Variants in HMGCLL1 observed in about 807,000 individuals in gnomAD.
The protein encoded by HMGCLL1 is 3-hydroxy-3-methylglutaryl-CoA lyase like 1.
HMGCLL1 carries 36 observed loss-of-function variants against 39.1 expected under a neutral mutation model. The observed-to-expected ratio is 0.92, with a 90% CI of 0.71 to 1.22. The LOEUF (loss-of-function observed/expected upper bound fraction) is 1.22. Ranked by LOEUF, HMGCLL1 falls within the 50% of genes most tolerant of loss-of-function variation. The pLI, the probability that HMGCLL1 is intolerant of heterozygous loss-of-function variation, is 0.00. For synonymous variants in HMGCLL1, 149 were observed against 144.0 expected, an observed-to-expected ratio of 1.03 and a Z score of -0.25; for missense variants, 451 against 416.5, an observed-to-expected ratio of 1.08 and a Z score of -0.72.
At chr6:55,457,372 AAAAT>A (rs1230771938) in intron 7 of HMGCLL1, among the ~76,000 whole-genome samples, 1 of 152,194 alleles carries the variant, frequency 6.6e-6, no homozygotes, top group Non-Finnish European at 1.5e-5. Flanking sequence ...CAAAGTCATG[AAAAT>A]AAATAAATAA....
intron 5 of HMGCLL1, among the ~76,000 whole-genome samples, chr6:55,505,638 A>G (rs1298969586): frequency 2.0e-5 from 3 of 151,644 alleles, no homozygotes; most frequent in Non-Finnish European, 4.4e-5. Flanking sequence ...CTACTATTAG[A>G]ATACCGTGTA....
At chr6:55,661,959 TTC>T in the HMGCLL1 span, among the ~76,000 whole-genome samples, 5 of 151,756 alleles carry the variant, frequency 3.3e-5, no homozygotes, top group African/African-American at 1.2e-4. Flanking sequence ...CGTAGGTATA[TTC>T]TTTTTGTGGC....
At chr6:55,524,973 TAATAG>T (rs1768239161) in intron 3 of HMGCLL1, among the ~76,000 whole-genome samples, 4 of 150,534 alleles carry the variant, frequency 2.7e-5, no homozygotes, top group African/African-American at 2.4e-5. Flanking sequence ...TAATTAATAG[TAATAG>T]TAATAGTAAT....
the HMGCLL1 span, among the ~76,000 whole-genome samples, chr6:55,654,770 G>T: frequency 6.6e-6 from 1 of 151,820 alleles, no homozygotes; most frequent in Non-Finnish European, 1.5e-5. Context: ...CCTTCAGCTT[G>T]CACATATCAC....
rs376228308 is a variant in HMGCLL1 at position 55,538,313 on chromosome 6, G to A, written c.297+3416C>T. Among the ~76,000 whole-genome samples, 67 of 152,212 alleles carry A rather than the reference G, an allele frequency of 4.4e-4. 1 individual carries two copies. The Middle Eastern group carries it at 0.02, about 46-fold the overall frequency. On this transcript the variant is annotated intron_variant, in intron 3 of 8. Coordinates refer to ENST00000274901, the MANE Select transcript of HMGCLL1 (RefSeq NM_001042406.2). Reference sequence around the variant, plus strand: ...TCAATATTCATCAAATAATATTAGCGAAATCTATTATCTTTCCTAACACTA... The same window carrying A: ...TCAATATTCATCAAATAATATTAGCAAAATCTATTATCTTTCCTAACACTA...
the HMGCLL1 span, among the ~76,000 whole-genome samples, chr6:55,594,570 T>C: frequency 6.6e-6 from 1 of 152,206 alleles, no homozygotes; most frequent in African/African-American, 2.4e-5. Flanking sequence ...AACAAACCTC[T>C]TTCTTTACTT....
chr6:55,644,794 A>G, the HMGCLL1 span, among the ~76,000 whole-genome samples: 1 of 152,020 alleles, frequency 6.6e-6, no homozygotes, highest in African/African-American at 2.4e-5. Flanking sequence ...TGTTTTGATT[A>G]CTATAACTCT....
the HMGCLL1 span, among the ~76,000 whole-genome samples, chr6:55,607,430 T>A: frequency 6.6e-6 from 1 of 152,156 alleles, no homozygotes; most frequent in Non-Finnish European, 1.5e-5. Context: ...AGATTCTCCT[T>A]CTGAGAAAGA....
At chr6:55,658,318 A>T in the HMGCLL1 span, among the ~76,000 whole-genome samples, 1 of 152,022 alleles carries the variant, frequency 6.6e-6, no homozygotes, top group Non-Finnish European at 1.5e-5. Context: ...TAAATTCTAC[A>T]TAAAATTGTT....
chr6:55,541,945 C>G (rs1769462352), intron 2 of HMGCLL1, 109 bp from the exon 3 acceptor site: 1 of 952,874 alleles, frequency 1.0e-6, no homozygotes, highest in Non-Finnish European at 1.6e-6. Flanking sequence ...TTTACAAATT[C>G]AAGTAGCAAT....
At chr6:55,642,701 G>C in the HMGCLL1 span, among the ~76,000 whole-genome samples, 1 of 151,934 alleles carries the variant, frequency 6.6e-6, no homozygotes, top group African/African-American at 2.4e-5. Context: ...CTTGTGTCAC[G>C]GGGTTTTGTT....
the HMGCLL1 span, among the ~76,000 whole-genome samples, chr6:55,608,481 A>G: frequency 6.6e-6 from 1 of 152,166 alleles, no homozygotes; most frequent in Admixed American, 6.5e-5. Context: ...ATTAAAAAGA[A>G]TTTAGGGAAA....
chr6:55,677,990 A>T, the HMGCLL1 span, among the ~76,000 whole-genome samples: 1 of 152,184 alleles, frequency 6.6e-6, no homozygotes, highest in African/African-American at 2.4e-5. Context: ...GCATTCAGTG[A>T]GACTGTGTCA....
the HMGCLL1 span, among the ~76,000 whole-genome samples, chr6:55,617,211 G>GAAAACAC: frequency 6.6e-6 from 1 of 152,032 alleles, no homozygotes; most frequent in East Asian, 1.9e-4. Flanking sequence ...ATGATGTCCT[G>GAAAACAC]TCTTGCTTGT....
the HMGCLL1 span, among the ~76,000 whole-genome samples, chr6:55,633,027 C>T: frequency 3.3e-5 from 5 of 152,008 alleles, no homozygotes; most frequent in African/African-American, 9.7e-5. Flanking sequence ...ACATGTACAG[C>T]AGATGTTATT....
chr6:55,513,202 A>G (rs1328278224), intron 5 of HMGCLL1: 1 of 152,136 alleles, frequency 6.6e-6, no homozygotes, highest in African/African-American at 2.4e-5. Flanking sequence ...ACAAAATCAC[A>G]TAATCTTTCA....
chr6:55,465,648 A>C (rs1764766170), intron 7 of HMGCLL1, among the ~76,000 whole-genome samples: 1 of 151,958 alleles, frequency 6.6e-6, no homozygotes, highest in Admixed American at 6.6e-5. Flanking sequence ...TAGTTTATAA[A>C]ATTTTATTAT....
At chr6:55,575,631 G>A (rs923201445) in intron 1 of HMGCLL1, among the ~76,000 whole-genome samples, 6 of 152,006 alleles carry the variant, frequency 3.9e-5, no homozygotes, top group African/African-American at 1.4e-4. Context: ...CAGGAGTCAG[G>A]TTTATTCATG....
chr6:55,646,862 T>C, the HMGCLL1 span, among the ~76,000 whole-genome samples: 3 of 152,006 alleles, frequency 2.0e-5, no homozygotes, highest in Non-Finnish European at 2.9e-5. Flanking sequence ...GTATTCTACA[T>C]CTATTGGATG....
Sources: allele counts gnomAD v4.1 joint callset (sites outside exome capture counted in the v4.1 genomes callset), GRCh38; gene constraint gnomAD v4.1.1; transcripts MANE v1.5; gene names NCBI Gene and HGNC (gene_info 2026-07-23, HGNC 2026-07-21).